The following CTSE variants were observed in gnomAD, a reference collection of about 807,000 sequenced individuals.
CTSE encodes cathepsin E.
In CTSE, 43 loss-of-function variants were observed where a neutral mutation model predicts 42.8. The ratio of observed to expected loss-of-function variants is 1.01; its 90% CI spans 0.79 to 1.30. The LOEUF is 1.30. Ranked by LOEUF, CTSE falls within the 50% of genes most tolerant of loss-of-function variation. The pLI is 0.00. For missense variants in CTSE, 532 were observed against 493.5 expected, an observed-to-expected ratio of 1.08 and a Z score of -0.74; for synonymous variants, 205 against 191.5, an observed-to-expected ratio of 1.07 and a Z score of -0.58.
intron 3 of CTSE, chr1:206,021,375 C>G: frequency 1.8e-6 from 1 of 566,100 alleles, no homozygotes; most frequent in Non-Finnish European, 3.1e-6. Context: ...GACCAAATAG[C>G]TATCCCTGAG....
At chr1:206,018,646 T>C (rs1661327223) in intron 4 of CTSE, among the ~76,000 whole-genome samples, 1 of 152,028 alleles carries the variant, frequency 6.6e-6, no homozygotes, top group Admixed American at 6.5e-5. Flanking sequence ...GTATGCTGTA[T>C]TTCTCAAGGC....
chr1:206,021,431 G>T (rs1347120325), intron 3 of CTSE: 1 of 399,814 alleles, frequency 2.5e-6, no homozygotes, highest in East Asian at 4.5e-5. Flanking sequence ...ACCAAGATAA[G>T]TGTCATTTAT....
rs782115311 is a variant in CTSE at position 206,022,955 on chromosome 1, G to C, written c.171C>G (p.Thr57=). 1 of 1,609,364 alleles carries C rather than the reference G, an allele frequency of 6.2e-7. No homozygotes were observed. Among genetic ancestry groups the C allele is most frequent in the Admixed American group, 1.7e-5 (1 of 59,684 alleles). ...KSHNLDMIQF[T]ESCSMDQSAK... is the part of the protein sequence containing the mutation. Reference sequence around the variant, plus strand: ...CACTCTGGTCCATTGAGCAGGACTCGGTGAACTGGATCATGTCCAAATTAT... The same window carrying C: ...CACTCTGGTCCATTGAGCAGGACTCCGTGAACTGGATCATGTCCAAATTAT... Residue 57 remains threonine, a synonymous_variant, in exon 2 of 9, where the codon ACC becomes ACG. Transcript: ENST00000358184.
intron 8 of CTSE, among the ~76,000 whole-genome samples, chr1:206,011,499 T>C (rs1461178600): frequency 2.0e-5 from 3 of 152,002 alleles, no homozygotes; most frequent in Non-Finnish European, 4.4e-5. Flanking sequence ...CCATAATCCC[T>C]ATGTGGCAGG....
Position 206,013,921 on chromosome 1 carries a change from C to T in CTSE, c.663-27G>A, listed in dbSNP as rs782226052. ...TACATGGAGAGAAAGACAAACTGTC[C>T]AGGAAGGGCCACTGCAAAACTCTAG... On this transcript the variant is annotated intron_variant, in intron 5 of 8. Transcript: ENST00000358184. 4 of 1,611,760 alleles carry T rather than the reference C, an allele frequency of 2.5e-6. No homozygotes were observed. The Admixed American group carries it at 5.0e-5, about 20-fold the overall frequency.
chr1:206,015,770 T>C (rs186507662), intron 5 of CTSE, among the ~76,000 whole-genome samples, 161 bp downstream of exon 5: 12 of 152,206 alleles, frequency 7.9e-5, no homozygotes, highest in Admixed American at 5.9e-4. Context: ...GCAAATCCCA[T>C]TTCCTCAATA....
chr1:206,023,635 C>T (rs1661517528), intron 1 of CTSE, 89 bp downstream of exon 1: 3 of 1,260,664 alleles, frequency 2.4e-6, no homozygotes, highest in Non-Finnish European at 3.5e-6. Context: ...TCCTCTTCAC[C>T]TCCCCATCAG....
chr1:206,022,812 G>T, intron 2 of CTSE, 89 bp downstream of exon 2: 1 of 1,247,142 alleles, frequency 8.0e-7, no homozygotes, highest in Non-Finnish European at 1.1e-6. Flanking sequence ...ATGGCCTTCG[G>T]TGCTACTGAT....
intron 6 of CTSE, among the ~76,000 whole-genome samples, 182 bp from the exon 7 acceptor site, chr1:206,012,831 GCA>G (rs557456587): frequency 2.0e-5 from 3 of 151,982 alleles, no homozygotes; most frequent in East Asian, 3.9e-4. Context: ...TTGACCCAGT[GCA>G]CACACACACA....
Position 206,023,042 on chromosome 1 carries a change from C to G in CTSE, c.84G>C (p.Arg28Ser). ...QGSLHRVPLR[R>S]HPSLKKKLRA... ...GCAGCTTCTTCTTGAGGGACGGATG[C>G]CTCCTGAGGGGCACCCTGGAGACAA... Residue 28 changes from arginine (R) to serine (S), a missense_variant, in exon 2 of 9, where the codon AGG becomes AGC. Coordinates refer to ENST00000358184, the MANE Select transcript of CTSE (RefSeq NM_001910.4). 6.2e-7 allele frequency: 1 copy of G among 1,612,946 alleles called. No homozygotes were observed. The highest frequency in any genetic ancestry group is 8.5e-7 in the Non-Finnish European group (1 of 1,179,390).
rs1661093666 is a variant in CTSE at position 206,011,313 on chromosome 1, T to C, written c.1027-966A>G. On this transcript the variant is annotated intron_variant, in intron 8 of 8. Coordinates refer to ENST00000358184, the MANE Select transcript of CTSE (RefSeq NM_001910.4). ...GCTTCTAGGAAACTCCCACTCTTTT[T>C]TGGGCTCTCCAGCGCCTGGAGCACA... Among the ~76,000 whole-genome samples the C allele has an allele frequency of 2.0e-5, 3 of 152,100 alleles. No individual in the cohort carries two copies. The South Asian group carries it at 6.2e-4, about 32-fold the overall frequency.
Position 206,019,699 on chromosome 1 carries a change from A to G in CTSE, c.462+1350T>C, listed in dbSNP as rs993661353. On this transcript the variant is annotated intron_variant, in intron 4 of 8. Coordinates refer to ENST00000358184, the MANE Select transcript of CTSE (RefSeq NM_001910.4). ...TTATATATATATTATATGTAATTAG[A>G]TATATAATATATATGTATATGTCAT... 6.8e-5 allele frequency among the ~76,000 whole-genome samples: 10 copies of G among 147,536 alleles called. No homozygotes were observed. The East Asian group carries it at 1.2e-3, about 17-fold the overall frequency.
chr1:206,012,363 G>A lies in CTSE; in HGVS notation c.971C>T (p.Thr324Ile), dbSNP rs6503. Residue 324 changes from threonine (T) to isoleucine (I), a missense_variant, in exon 8 of 9, where the codon ACC becomes ATC. Thr to Ile is a moderately conservative substitution (Grantham distance 89). Transcript: ENST00000358184. ...CANLNVMPDV[T>I]FTINGVPYTL... is the part of the protein sequence containing the mutation. ...ATAGGGGACTCCGTTAATGGTGAAGGTGACATCCGGCATGACGTTAAGGTT... is the reference window on the plus strand; with the variant it reads ...ATAGGGGACTCCGTTAATGGTGAAGATGACATCCGGCATGACGTTAAGGTT... 6.2e-7 allele frequency: 1 copy of A among 1,614,002 alleles called. No homozygotes were observed. Among genetic ancestry groups the A allele is most frequent in the South Asian group, 1.1e-5 (1 of 91,076 alleles).
intron 6 of CTSE, among the ~76,000 whole-genome samples, chr1:206,013,024 C>G (rs531585044): frequency 6.6e-6 from 1 of 152,122 alleles, no homozygotes; most frequent in East Asian, 1.9e-4. Flanking sequence ...GATGTCATGA[C>G]CCATAAATAG....
chr1:206,021,409 C>T (rs539511679), intron 3 of CTSE: 1 of 480,734 alleles, frequency 2.1e-6, no homozygotes, highest in South Asian at 2.9e-5. Flanking sequence ...CCACAATGAC[C>T]TCATGAGGCA....
In CTSE at chr1:206,023,463, C is replaced by T. The variant is rs138967109; in HGVS notation, c.68+261G>A. 1.6e-3 allele frequency among the ~76,000 whole-genome samples: 250 copies of T among 152,048 alleles called. 1 individual carries two copies. Among genetic ancestry groups the T allele is most frequent in the Admixed American group, 5.3e-3 (81 of 15,278 alleles). On this transcript the variant is annotated intron_variant, in intron 1 of 8. Transcript: ENST00000358184. ...GAGCTACAAACCACAACTGCAGGTTCCTGCTCTTTTGCAACACAAGAAGAC... is the reference window on the plus strand; with the variant it reads ...GAGCTACAAACCACAACTGCAGGTTTCTGCTCTTTTGCAACACAAGAAGAC...
intron 4 of CTSE, among the ~76,000 whole-genome samples, chr1:206,019,875 T>C (rs28517453): frequency 0.24 from 30,611 of 128,652 alleles, 3,791 homozygotes; most frequent in African/African-American, 0.35. Context: ...ATTAACATAA[T>C]ATATTATGTA....
intron 6 of CTSE, 37 bp from the exon 7 acceptor site, chr1:206,012,686 C>A (rs782075679): frequency 1.9e-6 from 3 of 1,600,302 alleles, no homozygotes; most frequent in South Asian, 2.2e-5. Context: ...CACCTTCCCT[C>A]CCCCGGCTCC....
At chr1:206,020,148 T>A (rs1394486523) in intron 4 of CTSE, among the ~76,000 whole-genome samples, 1 of 147,656 alleles carries the variant, frequency 6.8e-6, no homozygotes, top group Non-Finnish European at 1.5e-5. Context: ...ACAAATATAC[T>A]GTATATTACA....
Sources: allele counts gnomAD v4.1 joint callset (sites outside exome capture counted in the v4.1 genomes callset), GRCh38; gene constraint gnomAD v4.1.1; transcripts MANE v1.5; gene names NCBI Gene and HGNC (gene_info 2026-07-23, HGNC 2026-07-21).